The following SBF2 variants were observed in gnomAD, a reference collection of about 807,000 sequenced individuals.
SBF2 encodes SET binding factor 2.
Under a neutral mutation model 225.2 loss-of-function variants are expected in SBF2, and 112 were observed. The observed-to-expected ratio is 0.50, with a 90% CI of 0.43 to 0.58. The LOEUF (loss-of-function observed/expected upper bound fraction) is 0.58. Ranked by LOEUF, SBF2 falls within the 20% of genes least tolerant of loss-of-function variation. The pLI is 0.00. For missense variants in SBF2, 1,996 were observed against 2,206.2 expected (o/e 0.90, Z 1.91); for synonymous variants, 763 against 773.3 (o/e 0.99, Z 0.22).
intron 1 of SBF2, among the ~76,000 whole-genome samples, chr11:10,218,230 AGTGAGT>A (rs1490762508): frequency 1.3e-5 from 2 of 151,992 alleles, no homozygotes; most frequent in African/African-American, 4.8e-5. Context: ...ACAGCAGGCA[AGTGAGT>A]GTGTGCAGGG....
intron 2 of SBF2, among the ~76,000 whole-genome samples, chr11:10,104,705 T>G (rs1002375725): frequency 2.0e-5 from 3 of 152,204 alleles, no homozygotes; most frequent in Non-Finnish European, 2.9e-5. Flanking sequence ...GTGCAACTGT[T>G]GTCTAGGTGG....
In SBF2 at chr11:9,808,062, G is replaced by A; in HGVS notation, c.4381C>T (p.Leu1461Phe). 6.2e-7 allele frequency: 1 copy of A among 1,614,176 alleles called. No homozygotes were observed. The highest frequency in any genetic ancestry group is 1.7e-5 in the Admixed American group (1 of 60,022). ...HKFSQRSSLT[L>F]NCQGSGFAPV... is the part of the protein sequence containing the mutation. ...GCAAAACCACTCCCCTGACAGTTGA[G>A]GGTCAAGCTGCTCCTCTGACTGAAT... Residue 1461 changes from leucine (L) to phenylalanine (F), a missense_variant, in exon 32 of 40, where the codon CTC becomes TTC. Coordinates refer to ENST00000256190, the MANE Select transcript of SBF2 (RefSeq NM_030962.4).
chr11:10,113,798 TAAAA>T (rs56742374), intron 2 of SBF2, among the ~76,000 whole-genome samples: 29 of 143,960 alleles, frequency 2.0e-4, no homozygotes, highest in African/African-American at 3.9e-4. Flanking sequence ...ACATGCAGTT[TAAAA>T]AAAAAAAAAA....
chr11:9,855,964 CA>C (rs897517504), intron 19 of SBF2, among the ~76,000 whole-genome samples: 5 of 152,156 alleles, frequency 3.3e-5, no homozygotes, highest in Admixed American at 3.3e-4. Context: ...AATAGGGGGT[CA>C]GAGCAGTAGC....
intron 6 of SBF2, among the ~76,000 whole-genome samples, chr11:10,017,734 T>G (rs1948706306): frequency 6.6e-6 from 1 of 152,132 alleles, no homozygotes; most frequent in Non-Finnish European, 1.5e-5. Context: ...ATGACATGAA[T>G]TAAATATATT....
At position 10,147,423 on chromosome 11, in the gene SBF2, A is replaced by G. The variant is rs188396778; in HGVS notation, c.141+46479T>C. Reference sequence around the variant, plus strand: ...ATGAGATCATGTCCTGTGCAGGAACATGAATGGAGCTGGAGGCCATTATCC... The same window carrying G: ...ATGAGATCATGTCCTGTGCAGGAACGTGAATGGAGCTGGAGGCCATTATCC... On this transcript the variant is annotated intron_variant, in intron 2 of 39. Coordinates refer to ENST00000256190, the MANE Select transcript of SBF2 (RefSeq NM_030962.4). 3.9e-3 allele frequency among the ~76,000 whole-genome samples: 596 copies of G among 152,348 alleles called. 3 individuals carry two copies. Among genetic ancestry groups the G allele is most frequent in the Non-Finnish European group, 6.3e-3 (431 of 68,024 alleles).
chr11:10,166,990 A>ACACACACACAC lies in SBF2; in HGVS notation c.141+26911_141+26912insGTGTGTGTGTG, dbSNP rs1282714502. ...ACACACACACACACACACACACACA[A>ACACACACACAC]AAAGGCTACTAATTGAAAAGTTCAG... is the stretch of plus-strand genomic sequence containing the variant. On this transcript the variant is annotated intron_variant, in intron 2 of 39. Transcript: ENST00000256190. 6.2e-3 allele frequency among the ~76,000 whole-genome samples: 903 copies of ACACACACACAC among 146,066 alleles called. 13 individuals are homozygous for ACACACACACAC. The highest frequency in any genetic ancestry group is 0.021 in the African/African-American group (814 of 39,502).
intron 2 of SBF2, among the ~76,000 whole-genome samples, chr11:10,135,389 G>A (rs750787369): frequency 6.6e-6 from 1 of 152,170 alleles, no homozygotes; most frequent in African/African-American, 2.4e-5. Flanking sequence ...TTGGCTCCTC[G>A]TTACTTATGC....
intron 1 of SBF2, among the ~76,000 whole-genome samples, chr11:10,279,258 A>G (rs1464529581): frequency 6.6e-6 from 1 of 151,790 alleles, no homozygotes; most frequent in African/African-American, 2.4e-5. Flanking sequence ...CTAAAAATAC[A>G]AAAACTTAGC....
At chr11:9,998,520 GC>G in intron 8 of SBF2, 141 bp from the exon 9 acceptor site, 1 of 608,052 alleles carries the variant, frequency 1.6e-6, no homozygotes, top group South Asian at 2.0e-5. Flanking sequence ...AGAATTCTGG[GC>G]TAACAAGTTC....
intron 16 of SBF2, among the ~76,000 whole-genome samples, chr11:9,906,244 G>A (rs772292270): frequency 6.6e-6 from 1 of 152,144 alleles, no homozygotes; most frequent in Non-Finnish European, 1.5e-5. Flanking sequence ...CTTCTCCCAA[G>A]GAAATGGTTG....
rs1206056257 is a variant in SBF2 at position 10,042,851 on chromosome 11, T to G, written c.272A>C (p.Asn91Thr). 6.2e-7 allele frequency: 1 copy of G among 1,614,042 alleles called. No individual in the cohort carries two copies. The highest frequency in any genetic ancestry group is 8.5e-7 in the Non-Finnish European group (1 of 1,179,900). Residue 91 changes from asparagine (N) to threonine (T), a missense_variant, in exon 3 of 40, where the codon AAT (asparagine) becomes ACT (threonine). By Grantham distance (65) the Asn-to-Thr change is moderately conservative (BLOSUM62 0). Coordinates refer to ENST00000256190, the MANE Select transcript of SBF2 (RefSeq NM_030962.4). Reference protein sequence around the residue: ...SCLTFYEAEINLQGTKKEEIE... With the variant: ...SCLTFYEAEITLQGTKKEEIE... The stretch of plus-strand genomic sequence containing the variant: ...TAGTAAAGGTTTTTGTACCTGAAGA[T>G]TGATCTCTGCCTCATAGAAGGTTAG...
At chr11:10,045,386 T>G (rs1277063175) in intron 2 of SBF2, among the ~76,000 whole-genome samples, 1 of 152,082 alleles carries the variant, frequency 6.6e-6, no homozygotes, top group Non-Finnish European at 1.5e-5. Context: ...AGGCTGGTCT[T>G]GAACTCCTGA....
chr11:10,159,252 T>C (rs1030719610), intron 2 of SBF2, among the ~76,000 whole-genome samples: 5 of 152,204 alleles, frequency 3.3e-5, no homozygotes, highest in East Asian at 1.9e-4. Context: ...TAAAAAAAGA[T>C]GGTAACAGCC....
chr11:10,275,098 G>C (rs1384439772), intron 1 of SBF2, among the ~76,000 whole-genome samples: 1 of 151,970 alleles, frequency 6.6e-6, no homozygotes, highest in Non-Finnish European at 1.5e-5. Flanking sequence ...CAGGGAGAAA[G>C]GATCAGTCCA....
chr11:10,144,081 C>G (rs550748819), intron 2 of SBF2, among the ~76,000 whole-genome samples: 1 of 152,292 alleles, frequency 6.6e-6, no homozygotes, highest in East Asian at 1.9e-4. Flanking sequence ...ATTTCCTGAT[C>G]TTGATTTAAC....
rs1853958713 is a variant in SBF2, at chr11:9,808,160, C to A, written c.4283G>T (p.Ser1428Ile). 1 of 1,614,072 alleles carries A rather than the reference C, an allele frequency of 6.2e-7. No homozygotes were observed. Among genetic ancestry groups the A allele is most frequent in the Non-Finnish European group, 8.5e-7 (1 of 1,180,014 alleles). Residue 1428 changes from serine to isoleucine, a missense_variant, in exon 32 of 40, where the codon AGT becomes ATT. Physicochemically the swap from Ser to Ile is moderately radical, Grantham distance 142. Coordinates refer to ENST00000256190, the MANE Select transcript of SBF2 (RefSeq NM_030962.4). Reference protein sequence around the residue: ...AQVTSLVQLLSDPFYRTLEGF... With the variant: ...AQVTSLVQLLIDPFYRTLEGF... ...TTCAAGTGTCCTATAAAAGGGATCA[C>A]TGAGTAACTGAACCAGGGATGTCAC... is the stretch of plus-strand genomic sequence containing the variant.
chr11:9,856,873 T>C (rs1388353943), intron 18 of SBF2, among the ~76,000 whole-genome samples, 153 bp from the exon 19 acceptor site: 2 of 151,092 alleles, frequency 1.3e-5, no homozygotes, highest in South Asian at 2.1e-4. Context: ...CTGCAAGCTC[T>C]GCCTCCCAGG....
intron 17 of SBF2, among the ~76,000 whole-genome samples, chr11:9,884,758 C>T (rs1860120568): frequency 6.6e-6 from 1 of 152,184 alleles, no homozygotes; most frequent in African/African-American, 2.4e-5. Flanking sequence ...TGACTTTCTG[C>T]TTAGACTCTC....
Sources: allele counts gnomAD v4.1 joint callset (sites outside exome capture counted in the v4.1 genomes callset), GRCh38; gene constraint gnomAD v4.1.1; transcripts MANE v1.5; gene names NCBI Gene and HGNC (gene_info 2026-07-23, HGNC 2026-07-21).